Variants in UNC5D observed in about 807,000 individuals in gnomAD.
UNC5D encodes unc-5 netrin receptor D, also known as netrin receptor UNC5D.
In UNC5D, 39 loss-of-function variants were observed where a neutral mutation model predicts 105.4. The observed-to-expected ratio is 0.37, with a 90% CI of 0.29 to 0.48. The LOEUF (loss-of-function observed/expected upper bound fraction) is 0.48. Among genes scored for constraint, UNC5D ranks in the 20% least tolerant of loss-of-function variants. The pLI, the probability that UNC5D is intolerant of heterozygous loss-of-function variation, is 0.98. For missense variants in UNC5D, 991 were observed against 1,202.4 expected (o/e 0.82, Z 2.60); for synonymous variants, 452 against 450.4 (o/e 1.00, Z -0.04).
chr8:35,780,028 G>A (rs887317223), intron 16 of UNC5D, among the ~76,000 whole-genome samples: 12 of 152,292 alleles, frequency 7.9e-5, no homozygotes, highest in South Asian at 2.1e-4. Flanking sequence ...GATGGGAAGA[G>A]ATCCATGAGA....
intron 1 of UNC5D, among the ~76,000 whole-genome samples, chr8:35,257,040 C>T (rs1204688551): frequency 6.7e-6 from 1 of 150,064 alleles, no homozygotes; most frequent in Admixed American, 6.6e-5. Context: ...GGCAACGTCT[C>T]GGCTCACTGC....
At chr8:35,311,614 G>GA (rs1808891093) in intron 1 of UNC5D, among the ~76,000 whole-genome samples, 1 of 152,094 alleles carries the variant, frequency 6.6e-6, no homozygotes, top group Admixed American at 6.6e-5. Context: ...CAAGTACTCA[G>GA]AAAATACATA....
chr8:35,578,284 AAGAG>A (rs1818237577), intron 3 of UNC5D, among the ~76,000 whole-genome samples: 4 of 151,178 alleles, frequency 2.6e-5, no homozygotes, highest in South Asian at 2.1e-4. Flanking sequence ...AAAAAAAAGA[AAGAG>A]AAAAGAAAAA....
At chr8:35,645,463 A>G (rs763689591) in intron 4 of UNC5D, among the ~76,000 whole-genome samples, 4 of 152,128 alleles carry the variant, frequency 2.6e-5, no homozygotes, top group Non-Finnish European at 5.9e-5. Flanking sequence ...GAAAAACTGC[A>G]TACAAATAAT....
chr8:35,384,809 A>G (rs1803279484), intron 1 of UNC5D, among the ~76,000 whole-genome samples: 1 of 152,196 alleles, frequency 6.6e-6, no homozygotes, highest in South Asian at 2.1e-4. Flanking sequence ...CTTTATGACT[A>G]AAGGTTTACA....
intron 4 of UNC5D, among the ~76,000 whole-genome samples, chr8:35,621,803 T>C (rs1406747971): frequency 1.3e-5 from 2 of 152,162 alleles, no homozygotes; most frequent in African/African-American, 2.4e-5. Flanking sequence ...TCCTGGAGCA[T>C]GTGCCTGAGC....
chr8:35,334,476 A>AT (rs890545793), intron 1 of UNC5D, among the ~76,000 whole-genome samples: 122 of 148,944 alleles, frequency 8.2e-4, no homozygotes, highest in African/African-American at 2.1e-3. Flanking sequence ...GACTACTTAG[A>AT]TTTTTTTTTT....
intron 3 of UNC5D, among the ~76,000 whole-genome samples, chr8:35,577,240 G>A (rs534740150): frequency 3.3e-4 from 50 of 152,216 alleles, no homozygotes; most frequent in African/African-American, 1.2e-3. Context: ...TATTCTAGGG[G>A]CATTATCTTA....
At chr8:35,466,972 A>G (rs1161164760) in intron 1 of UNC5D, among the ~76,000 whole-genome samples, 1 of 152,114 alleles carries the variant, frequency 6.6e-6, no homozygotes, top group African/African-American at 2.4e-5. Flanking sequence ...CTGCAACTTA[A>G]TTTTACTTTT....
intron 4 of UNC5D, among the ~76,000 whole-genome samples, chr8:35,650,761 G>A (rs375047548): frequency 1.3e-5 from 2 of 152,128 alleles, no homozygotes; most frequent in Non-Finnish European, 2.9e-5. Context: ...CATGAGCCAC[G>A]GTGCCCAGCC....
chr8:35,786,487 T>C (rs1261780372), intron 16 of UNC5D, among the ~76,000 whole-genome samples: 1 of 152,144 alleles, frequency 6.6e-6, no homozygotes, highest in African/African-American at 2.4e-5. Context: ...GCCCTTCTCT[T>C]TCTTGAGGCA....
In UNC5D at chr8:35,779,515, G is replaced by A. The variant is rs141684058; in HGVS notation, c.2657+5038G>A. Among the ~76,000 whole-genome samples the A allele has an allele frequency of 1.8e-3, 274 of 152,214 alleles. 3 individuals carry two copies. The highest frequency in any genetic ancestry group is 6.2e-3 in the African/African-American group (257 of 41,532). On this transcript the variant is annotated intron_variant, in intron 16 of 16. Transcript: ENST00000404895. ...TCTCTGTTGCCCACACTGGAGTGCA[G>A]TGGCACAATCTCGGCTTACTGCAAC...
chr8:35,530,113 T>C (rs1448588560), intron 1 of UNC5D, among the ~76,000 whole-genome samples: 1 of 152,146 alleles, frequency 6.6e-6, no homozygotes, highest in African/African-American at 2.4e-5. Context: ...AGGGCATCCC[T>C]GTCTTGTGCT....
intron 3 of UNC5D, among the ~76,000 whole-genome samples, chr8:35,586,199 G>A (rs1308459150): frequency 2.6e-5 from 4 of 152,064 alleles, no homozygotes; most frequent in African/African-American, 4.8e-5. Context: ...ACTTGAACCC[G>A]GGAAACAGCG....
intron 16 of UNC5D, among the ~76,000 whole-genome samples, chr8:35,789,152 T>TAC (rs1453028111): frequency 1.6e-5 from 1 of 61,108 alleles, no homozygotes; most frequent in East Asian, 6.5e-4. Flanking sequence ...TATATATATA[T>TAC]ATATATATAT....
intron 1 of UNC5D, among the ~76,000 whole-genome samples, chr8:35,483,081 G>A (rs1223067790): frequency 1.3e-5 from 2 of 151,968 alleles, no homozygotes; most frequent in Admixed American, 6.6e-5. Flanking sequence ...GGGATTACAG[G>A]CGTGAGCCAC....
chr8:35,267,464 A>G (rs1458543823), intron 1 of UNC5D, among the ~76,000 whole-genome samples: 1 of 152,134 alleles, frequency 6.6e-6, no homozygotes, highest in Non-Finnish European at 1.5e-5. Flanking sequence ...TTTGAGATGG[A>G]GTCTCACTCT....
intron 7 of UNC5D, among the ~76,000 whole-genome samples, chr8:35,695,918 AGAGAT>A (rs1478924630): frequency 6.6e-6 from 1 of 151,906 alleles, no homozygotes; most frequent in Non-Finnish European, 1.5e-5. Context: ...TATTTTTAGT[AGAGAT>A]GGGGTTTTGC....
chr8:35,478,689 AATATCAGTCTGAAACTGATGGTATTG>A lies in UNC5D; in HGVS notation c.104-70601_104-70576del, dbSNP rs374181743. ...TTGGGTTTTATTTTAAATGCTTTTC[AATATCAGTCTGAAACTGATGGTATTG>A]AAATGTGTTAATAACATTAAACATT... On this transcript the variant is annotated intron_variant, in intron 1 of 16. Coordinates refer to ENST00000404895, the MANE Select transcript of UNC5D (RefSeq NM_080872.4). Among the ~76,000 whole-genome samples the A allele has an allele frequency of 3.9e-3, 593 of 152,328 alleles. 7 individuals carry two copies. The highest frequency in any genetic ancestry group is 0.013 in the African/African-American group (546 of 41,578).
Sources: gnomAD v4.1 joint callset for allele counts (sites outside exome capture counted in the v4.1 genomes callset) on GRCh38, gnomAD v4.1.1 for gene constraint, MANE v1.5 for transcripts, NCBI Gene and HGNC (gene_info 2026-07-23, HGNC 2026-07-21) for gene names.